Variants in GYG1 observed in about 807,000 individuals in gnomAD.
GYG1 encodes glycogenin 1.
GYG1 carries 44 observed loss-of-function variants against 41.9 expected under a neutral mutation model. The observed-to-expected ratio is 1.05, with a 90% CI of 0.83 to 1.35. The LOEUF (loss-of-function observed/expected upper bound fraction) is 1.35, where lower values mean the gene tolerates loss of function less well. Ranked by LOEUF, GYG1 falls within the 40% of genes most tolerant of loss-of-function variation. The pLI is 0.00. For synonymous variants in GYG1, 141 were observed against 158.1 expected, an observed-to-expected ratio of 0.89 and a Z score of 0.81; for missense variants, 429 against 418.9, an observed-to-expected ratio of 1.02 and a Z score of -0.21.
intron 5 of GYG1, among the ~76,000 whole-genome samples, chr3:149,010,281 T>G (rs1375764487): frequency 6.6e-6 from 1 of 152,066 alleles, no homozygotes; most frequent in Non-Finnish European, 1.5e-5. Flanking sequence ...ACATTTGTTG[T>G]TTTTGGTAAC....
Position 149,028,841 on chromosome 3 carries a change from C to T in GYG1, c.*1908C>T, listed in dbSNP as rs564218107. Among the ~76,000 whole-genome samples, 2 of 151,938 alleles carry T rather than the reference C, an allele frequency of 1.3e-5. No individual in the cohort carries two copies. Among genetic ancestry groups the T allele is most frequent in the African/African-American group, 4.8e-5 (2 of 41,420 alleles). On this transcript the variant is annotated 3_prime_UTR_variant, in exon 8 of 8. Transcript: ENST00000345003. Reference sequence around the variant, plus strand: ...ATTCAAGAGATTCTCCTACCTCAGCCTCCTGAGTAGCTGGGACTACAGGCA... The same window carrying T: ...ATTCAAGAGATTCTCCTACCTCAGCTTCCTGAGTAGCTGGGACTACAGGCA...
At chr3:149,003,612 C>G (rs932212416) in intron 4 of GYG1, among the ~76,000 whole-genome samples, 3 of 152,136 alleles carry the variant, frequency 2.0e-5, no homozygotes, top group African/African-American at 4.8e-5. Context: ...TCTAGTACTT[C>G]TCAAATTTAA....
At chr3:148,996,503 G>C in intron 3 of GYG1, 27 bp downstream of exon 3, 1 of 1,582,370 alleles carries the variant, frequency 6.3e-7, no homozygotes, top group Non-Finnish European at 8.7e-7. Context: ...GGGTAGAAAA[G>C]AAAGACATAT....
In GYG1 at chr3:148,991,608, G is replaced by T; in HGVS notation, c.-33G>T. The T allele has an allele frequency of 1.3e-6, 2 of 1,554,570 alleles. No homozygotes were observed. Among genetic ancestry groups the T allele is most frequent in the Non-Finnish European group, 8.6e-7 (1 of 1,158,880 alleles). On this transcript the variant is annotated 5_prime_UTR_variant, in exon 1 of 8. Coordinates refer to ENST00000345003, the MANE Select transcript of GYG1 (RefSeq NM_004130.4). ...GGCTTCTCTGAGTCACCAACCTGAG[G>T]CTGCCCCGGCCGCCTGCGCACCCGG...
chr3:149,017,067 T>C (rs1428330512), intron 5 of GYG1, among the ~76,000 whole-genome samples: 1 of 152,238 alleles, frequency 6.6e-6, no homozygotes, highest in Non-Finnish European at 1.5e-5. Context: ...TGTGCTGTCA[T>C]AAACCAGTTC....
In GYG1 at chr3:148,996,403, T is replaced by A; in HGVS notation, c.245T>A (p.Val82Asp). The change falls in exon 3 of 8, where the codon GTC (valine) becomes GAC (aspartate). Residue 82 changes from valine to aspartate, a missense_variant. By Grantham distance (152) the Val-to-Asp change is radical. Coordinates refer to ENST00000345003, the MANE Select transcript of GYG1 (RefSeq NM_004130.4). Reference protein sequence around the residue: ...LTLMKRPELGVTLTKLHCWSL... With the variant: ...LTLMKRPELGDTLTKLHCWSL... The stretch of plus-strand genomic sequence containing the variant: ...TTAATGAAGAGGCCAGAGTTGGGTG[T>A]CACGCTGACAAAGCTCCACTGCTGG... The A allele has an allele frequency of 6.2e-7, 1 of 1,613,614 alleles. No homozygotes were observed. Among genetic ancestry groups the A allele is most frequent in the Non-Finnish European group, 8.5e-7 (1 of 1,179,790 alleles).
At chr3:149,000,963 G>A (rs952741503) in intron 4 of GYG1, 13 of 152,324 alleles carry the variant, frequency 8.5e-5, no homozygotes, top group Non-Finnish European at 1.3e-4. Context: ...GTACAGTAAT[G>A]TTTTAAAATA....
At position 149,000,220 on chromosome 3, in the gene GYG1, T is replaced by G. The variant is rs201885431; in HGVS notation, c.481+3316T>G. ...TTCCTAAAATTCTATAATGTTAGAT[T>G]TTAGAACTGGTGACTACATAACCGA... On this transcript the variant is annotated intron_variant, in intron 4 of 7. Coordinates refer to ENST00000345003, the MANE Select transcript of GYG1 (RefSeq NM_004130.4). Among the ~76,000 whole-genome samples, 13 of 152,360 alleles carry G rather than the reference T, an allele frequency of 8.5e-5. No homozygotes were observed. The East Asian group carries it at 2.3e-3, about 27-fold the overall frequency.
chr3:149,017,860 G>A (rs892790958), intron 5 of GYG1, among the ~76,000 whole-genome samples: 2 of 150,092 alleles, frequency 1.3e-5, no homozygotes, highest in African/African-American at 4.9e-5. Flanking sequence ...CAATTCTCCC[G>A]CCTCGGCCTC....
chr3:149,010,198 G>T (rs1713638224), intron 5 of GYG1, among the ~76,000 whole-genome samples: 1 of 152,210 alleles, frequency 6.6e-6, no homozygotes, highest in Non-Finnish European at 1.5e-5. Context: ...GTAAAACGAG[G>T]AGGAAAATAG....
At chr3:149,010,298 G>A (rs1048491407) in intron 5 of GYG1, among the ~76,000 whole-genome samples, 3 of 149,478 alleles carry the variant, frequency 2.0e-5, no homozygotes, top group Non-Finnish European at 4.5e-5. Context: ...TAACGTGCTT[G>A]TTTAGCACGC....
chr3:149,020,289 AC>A (rs1714295423), intron 5 of GYG1, among the ~76,000 whole-genome samples: 1 of 152,190 alleles, frequency 6.6e-6, no homozygotes, highest in Non-Finnish European at 1.5e-5. Context: ...TCTTAGGCAT[AC>A]CTTTTTCACT....
chr3:148,996,928 C>G (rs1233427541), intron 4 of GYG1, 24 bp downstream of exon 4: 1 of 1,572,400 alleles, frequency 6.4e-7, no homozygotes, highest in East Asian at 2.2e-5. Context: ...ATCTTCATGT[C>G]TGATAAGCTG....
chr3:149,009,182 A>AGT, intron 4 of GYG1, 94 bp from the exon 5 acceptor site: 3 of 874,240 alleles, frequency 3.4e-6, no homozygotes, highest in Non-Finnish European at 5.5e-6. Flanking sequence ...AAATGGAATT[A>AGT]GTGTCTATTT....
At chr3:149,022,638 G>T (rs1024683621) in intron 5 of GYG1, among the ~76,000 whole-genome samples, 2 of 151,278 alleles carry the variant, frequency 1.3e-5, no homozygotes, top group African/African-American at 4.9e-5. Context: ...TGTGATTACA[G>T]GCACGTGCCA....
At chr3:149,026,068 C>T (rs74974403) in intron 6 of GYG1, among the ~76,000 whole-genome samples, 1 of 152,320 alleles carries the variant, frequency 6.6e-6, no homozygotes, top group African/African-American at 2.4e-5. Flanking sequence ...TAAAGTTCCA[C>T]TGTATTTAAA....
At chr3:149,012,015 G>T (rs1278806834) in intron 5 of GYG1, among the ~76,000 whole-genome samples, 8 of 152,126 alleles carry the variant, frequency 5.3e-5, no homozygotes, top group Admixed American at 5.2e-4. Context: ...CCAGATCACA[G>T]AACTCATTTT....
rs1398316885 is a variant in GYG1 at position 149,030,952 on chromosome 3, G to A, written c.*4019G>A. On this transcript the variant is annotated 3_prime_UTR_variant, in exon 8 of 8. Transcript: ENST00000345003. ...ATCAAATGACTTCCAACACTCTTAA[G>A]TCTCAGGTATTCTTAAATCTGTATC... 6.6e-6 allele frequency: 1 copy of A among 152,138 alleles called. No homozygotes were observed. Among genetic ancestry groups the A allele is most frequent in the African/African-American group, 2.4e-5 (1 of 41,426 alleles). 9.4% of individuals were successfully genotyped at this position (152,138 alleles called of 1,614,324 possible).
chr3:149,012,451 G>T (rs1713787572), intron 5 of GYG1, among the ~76,000 whole-genome samples: 2 of 152,132 alleles, frequency 1.3e-5, no homozygotes, highest in African/African-American at 4.8e-5. Context: ...CCATGCACTA[G>T]GATGTCCCCA....
Sources: allele counts gnomAD v4.1 joint callset (sites outside exome capture counted in the v4.1 genomes callset), GRCh38; gene constraint gnomAD v4.1.1; transcripts MANE v1.5; gene names NCBI Gene and HGNC (gene_info 2026-07-23, HGNC 2026-07-21).